The following HLF variants were observed in gnomAD, a reference collection of about 807,000 sequenced individuals.
The protein encoded by HLF is hepatic leukemia factor.
A neutral mutation model predicts 22.6 loss-of-function variants in HLF; 3 were observed. That is an observed-to-expected ratio of 0.13 (90% CI 0.06 to 0.34). The LOEUF (loss-of-function observed/expected upper bound fraction) is 0.34, where lower values mean the gene tolerates loss of function less well. HLF is among the 10% of genes least tolerant of loss of function. The pLI is 1.00. For missense variants in HLF, 299 were observed against 389.2 expected, an observed-to-expected ratio of 0.77 and a Z score of 1.95; for synonymous variants, 151 against 151.8, an observed-to-expected ratio of 0.99 and a Z score of 0.04.
intron 2 of HLF, 83 bp from the exon 3 acceptor site, chr17:55,315,144 C>T (rs576909233): frequency 2.1e-6 from 2 of 969,914 alleles, no homozygotes; most frequent in South Asian, 1.3e-5. Flanking sequence ...AGACTCTTAC[C>T]ACTCATCTCA....
intron 2 of HLF, 55 bp from the exon 3 acceptor site, chr17:55,315,172 T>G (rs1404068792): frequency 1.5e-6 from 2 of 1,339,062 alleles, no homozygotes; most frequent in Non-Finnish European, 2.1e-6. Context: ...ATTAAGTAGC[T>G]GCCTACTGGG....
intron 3 of HLF, among the ~76,000 whole-genome samples, chr17:55,316,728 C>T (rs994858694): frequency 2.0e-5 from 3 of 152,184 alleles, no homozygotes; most frequent in Non-Finnish European, 4.4e-5. Flanking sequence ...TTGGCCCTGA[C>T]AAGGGCTATA....
At chr17:55,312,676 G>A (rs1904885634) in intron 2 of HLF, among the ~76,000 whole-genome samples, 1 of 152,200 alleles carries the variant, frequency 6.6e-6, no homozygotes, top group African/African-American at 2.4e-5. Flanking sequence ...GATGTTAAGG[G>A]TGATCACCTC....
chr17:55,299,178 AT>A (rs1202706195), intron 2 of HLF, among the ~76,000 whole-genome samples: 2 of 152,342 alleles, frequency 1.3e-5, no homozygotes, highest in South Asian at 4.1e-4. Flanking sequence ...CATAAAGTCC[AT>A]TTTGTTTAGG....
chr17:55,276,370 G>A (rs1409373784), intron 2 of HLF, among the ~76,000 whole-genome samples: 1 of 152,132 alleles, frequency 6.6e-6, no homozygotes, highest in African/African-American at 2.4e-5. Context: ...GTATATAGAG[G>A]CCTCCAATAT....
chr17:55,276,175 C>A (rs2080902916), intron 2 of HLF, among the ~76,000 whole-genome samples: 1 of 152,124 alleles, frequency 6.6e-6, no homozygotes. Flanking sequence ...GTGTATGGTC[C>A]CAGAAATAGC....
At chr17:55,305,027 C>T (rs535769415) in intron 2 of HLF, among the ~76,000 whole-genome samples, 2 of 152,334 alleles carry the variant, frequency 1.3e-5, no homozygotes, top group South Asian at 4.1e-4. Context: ...TCTGCCCAAA[C>T]CAAACGTTAA....
At chr17:55,310,499 A>G (rs1904780659) in intron 2 of HLF, among the ~76,000 whole-genome samples, 1 of 145,970 alleles carries the variant, frequency 6.9e-6, no homozygotes, top group African/African-American at 2.4e-5. Context: ...ATCTACTAAG[A>G]TACTAGAACA....
At position 55,277,274 on chromosome 17, in the gene HLF, T is replaced by TGTGTGTGC. The variant is rs71361764; in HGVS notation, c.451+9189_451+9190insTGTGTGCG. 2.8e-3 allele frequency among the ~76,000 whole-genome samples: 314 copies of TGTGTGTGC among 113,948 alleles called. 4 individuals carry two copies. Among genetic ancestry groups the TGTGTGTGC allele is most frequent in the African/African-American group, 8.6e-3 (262 of 30,316 alleles). 74.8% of individuals were successfully genotyped at this position (113,948 alleles called of 152,430 possible). On this transcript the variant is annotated intron_variant, in intron 2 of 3. Coordinates refer to ENST00000226067, the MANE Select transcript of HLF (RefSeq NM_002126.5). ...GTGTGTGTGTGTGTGTGTGTGTGTG[T>TGTGTGTGC]GCGCGCGCATGTGTACGTGGGCATG...
Position 55,309,309 on chromosome 17 carries a change from T to C in HLF, c.452-5918T>C, listed in dbSNP as rs58537067. Among the ~76,000 whole-genome samples, 417 of 152,320 alleles carry C rather than the reference T, an allele frequency of 2.7e-3. 4 individuals carry two copies. Among genetic ancestry groups the C allele is most frequent in the African/African-American group, 9.2e-3 (383 of 41,554 alleles). On this transcript the variant is annotated intron_variant, in intron 2 of 3. Coordinates refer to ENST00000226067, the MANE Select transcript of HLF (RefSeq NM_002126.5). Reference sequence around the variant, plus strand: ...TTAGGCTGTATTTGTGAGGTTTTAATTTAATCTTTGTATATATCGTGAGCA... The same window carrying C: ...TTAGGCTGTATTTGTGAGGTTTTAACTTAATCTTTGTATATATCGTGAGCA...
intron 2 of HLF, among the ~76,000 whole-genome samples, chr17:55,314,867 C>T (rs1324237910): frequency 6.6e-6 from 1 of 152,226 alleles, no homozygotes; most frequent in Non-Finnish European, 1.5e-5. Flanking sequence ...CTCCCTGACT[C>T]ACCTGGAAAC....
At chr17:55,265,845 G>T in intron 1 of HLF, 3 of 1,264,484 alleles carry the variant, frequency 2.4e-6, no homozygotes, top group Non-Finnish European at 3.0e-6. Flanking sequence ...GGCCTCCCTG[G>T]GTCCCGCTCC....
intron 2 of HLF, among the ~76,000 whole-genome samples, chr17:55,282,107 A>T (rs2080960172): frequency 6.6e-6 from 1 of 152,234 alleles, no homozygotes; most frequent in African/African-American, 2.4e-5. Flanking sequence ...CATGCAAGTT[A>T]AATTACATTA....
intron 3 of HLF, among the ~76,000 whole-genome samples, chr17:55,317,485 C>T (rs748150885): frequency 6.6e-6 from 1 of 152,228 alleles, no homozygotes; most frequent in African/African-American, 2.4e-5. Flanking sequence ...CAAAAACCGT[C>T]TGTGCTGGAA....
chr17:55,321,281 A>T lies in HLF; in HGVS notation c.*402A>T. On this transcript the variant is annotated 3_prime_UTR_variant, in exon 4 of 4. Transcript: ENST00000226067. ...CCAGGACTCTCTGCTTGGATTCACTAAAAAGGGCCCTGGTAAAATAGTGGA... is the reference window on the plus strand; with the variant it reads ...CCAGGACTCTCTGCTTGGATTCACTTAAAAGGGCCCTGGTAAAATAGTGGA... The T allele has an allele frequency of 3.9e-6, 1 of 254,440 alleles. No homozygotes were observed. The highest frequency in any genetic ancestry group is 7.7e-6 in the Non-Finnish European group (1 of 130,060). 15.8% of individuals were successfully genotyped at this position (254,440 alleles called of 1,614,324 possible). A position where few individuals can be genotyped will look rare whatever the true frequency, so the allele number is the denominator to read the frequency against.
chr17:55,324,986 G>A lies in HLF; in HGVS notation c.*4107G>A, dbSNP rs982674095. On this transcript the variant is annotated 3_prime_UTR_variant, in exon 4 of 4. Coordinates refer to ENST00000226067, the MANE Select transcript of HLF (RefSeq NM_002126.5). ...AGTTTAATTGTACACCATGATATTGGTGGTATTTATGCTGTTAAGTCCAAA... is the reference window on the plus strand; with the variant it reads ...AGTTTAATTGTACACCATGATATTGATGGTATTTATGCTGTTAAGTCCAAA... The A allele has an allele frequency of 8.7e-6, 2 of 228,678 alleles. No homozygotes were observed. Among genetic ancestry groups the A allele is most frequent in the Non-Finnish European group, 1.7e-5 (2 of 115,008 alleles). 14.2% of individuals were successfully genotyped at this position (228,678 alleles called of 1,614,324 possible). A position where few individuals can be genotyped will look rare whatever the true frequency, so the allele number is the denominator to read the frequency against.
At position 55,321,303 on chromosome 17, in the gene HLF, T is replaced by C; in HGVS notation, c.*424T>C. The C allele has an allele frequency of 4.0e-6, 1 of 252,046 alleles. No individual in the cohort carries two copies. Among genetic ancestry groups the C allele is most frequent in the Non-Finnish European group, 7.8e-6 (1 of 128,424 alleles). 15.6% of individuals were successfully genotyped at this position (252,046 alleles called of 1,614,324 possible). ...ACTAAAAAGGGCCCTGGTAAAATAG[T>C]GGATCTCAGTTTTTAAGAGTACAAG... On this transcript the variant is annotated 3_prime_UTR_variant, in exon 4 of 4. Coordinates refer to ENST00000226067, the MANE Select transcript of HLF (RefSeq NM_002126.5).
chr17:55,271,266 A>G (rs951023228), intron 2 of HLF, among the ~76,000 whole-genome samples: 2 of 152,384 alleles, frequency 1.3e-5, no homozygotes, highest in Middle Eastern at 3.4e-3. Flanking sequence ...TAATAAGAGC[A>G]TAATTATACA....
intron 2 of HLF, among the ~76,000 whole-genome samples, chr17:55,311,852 G>A (rs1269561111): frequency 6.6e-6 from 1 of 152,038 alleles, no homozygotes; most frequent in African/African-American, 2.4e-5. Flanking sequence ...AGCCCTCAGT[G>A]TCTACTGTTC....
Sources: gnomAD v4.1 joint callset for allele counts (sites outside exome capture counted in the v4.1 genomes callset) on GRCh38, gnomAD v4.1.1 for gene constraint, MANE v1.5 for transcripts, NCBI Gene and HGNC (gene_info 2026-07-23, HGNC 2026-07-21) for gene names.